The following TSPAN1 variants were observed in gnomAD, a reference collection of about 807,000 sequenced individuals.
The protein encoded by TSPAN1 is tetraspanin 1.
In TSPAN1, 23 loss-of-function variants were observed where a neutral mutation model predicts 26.9. The observed-to-expected ratio is 0.85, with a 90% CI of 0.62 to 1.21. TSPAN1 has a LOEUF of 1.21. TSPAN1 is among the 50% of genes most tolerant of loss of function. The pLI is 0.00. For missense variants in TSPAN1, 283 were observed against 298.4 expected, an observed-to-expected ratio of 0.95 and a Z score of 0.38; for synonymous variants, 115 against 114.8, an observed-to-expected ratio of 1.00 and a Z score of -0.01.
chr1:46,190,915 C>G (rs981867599), downstream of TSPAN1: 21 of 843,848 alleles, frequency 2.5e-5, no homozygotes, highest in African/African-American at 3.5e-4. Context: ...AATTTCCCAC[C>G]GTCTTCTCCA....
Position 46,184,272 on chromosome 1 carries a change from T to C in TSPAN1, c.139T>C (p.Ser47Pro). The change falls in exon 4 of 9, where the codon TCG (serine) becomes CCG (proline). Residue 47 changes from serine (S) to proline (P), a missense_variant. By Grantham distance (74) the Ser-to-Pro change is moderately conservative. Coordinates refer to ENST00000372003, the MANE Select transcript of TSPAN1 (RefSeq NM_005727.4). ...ASFLKIFGPL[S>P]SSAMQFVNVG... ...CTTTCTGAAGATCTTCGGGCCACTG[T>C]CGTCCAGTGCCATGCAGTTTGTCAA... 1 of 1,614,194 alleles carries C rather than the reference T, an allele frequency of 6.2e-7. No homozygotes were observed. The highest frequency in any genetic ancestry group is 1.1e-5 in the South Asian group (1 of 91,082).
intron 3 of TSPAN1, among the ~76,000 whole-genome samples, chr1:46,182,157 A>T (rs1657326781): frequency 6.6e-6 from 1 of 151,596 alleles, no homozygotes; most frequent in Admixed American, 6.6e-5. Context: ...CCACTAGCAG[A>T]TGTGTACCCA....
chr1:46,176,474 G>A, intron 1 of TSPAN1: 1 of 1,535,536 alleles, frequency 6.5e-7, no homozygotes, highest in Non-Finnish European at 8.7e-7. Context: ...GGCCCCATGG[G>A]CACAGGGAGC....
At chr1:46,177,642 A>T (rs1425017658) in intron 1 of TSPAN1, among the ~76,000 whole-genome samples, 2 of 152,216 alleles carry the variant, frequency 1.3e-5, no homozygotes, top group South Asian at 2.1e-4. Context: ...TGTTTACTCT[A>T]TGAAAACTGA....
At chr1:46,177,932 C>G (rs1288200487) in intron 1 of TSPAN1, among the ~76,000 whole-genome samples, 1 of 152,128 alleles carries the variant, frequency 6.6e-6, no homozygotes, top group Non-Finnish European at 1.5e-5. Flanking sequence ...TGATCAAGAT[C>G]CAAAACCCAG....
At chr1:46,182,317 A>AAAAAAAAAAAAAAAAAAAAAAAAAAAC in intron 3 of TSPAN1, among the ~76,000 whole-genome samples, 2 of 146,226 alleles carry the variant, frequency 1.4e-5, no homozygotes, top group African/African-American at 2.5e-5. Flanking sequence ...AAAAAAAAAA[A>AAAAAAAAAAAAAAAAAAAAAAAAAAAC]GCCACTGTGA....
Position 46,185,253 on chromosome 1 carries a change from T to A in TSPAN1, c.623T>A (p.Ile208Asn). 6.2e-7 allele frequency: 1 copy of A among 1,614,158 alleles called. No individual in the cohort carries two copies. Among genetic ancestry groups the A allele is most frequent in the East Asian group, 2.2e-5 (1 of 44,884 alleles). Residue 208 changes from isoleucine to asparagine, a missense_variant, in exon 8 of 9, where the codon ATC becomes AAC. Physicochemically the swap from Ile to Asn is moderately radical, Grantham distance 149 (BLOSUM62 -3). Transcript: ENST00000372003. ...TGCTTCAATCAGCTTTTGTATGACATCCGAACTAATGCAGTCACCGTGGGT... is the reference window on the plus strand; with the variant it reads ...TGCTTCAATCAGCTTTTGTATGACAACCGAACTAATGCAGTCACCGTGGGT... ...EGCFNQLLYD[I>N]RTNAVTVGGV...
the TSPAN1 span, chr1:46,195,063 A>G: frequency 3.0e-6 from 3 of 991,926 alleles, no homozygotes; most frequent in Admixed American, 1.7e-5. Flanking sequence ...AAAATAGCTC[A>G]TTACATTATT....
intron 1 of TSPAN1, among the ~76,000 whole-genome samples, chr1:46,178,502 C>T (rs1657238637): frequency 6.6e-6 from 1 of 151,950 alleles, no homozygotes; most frequent in Middle Eastern, 3.4e-3. Flanking sequence ...TAGTACCACC[C>T]TCACAAACCT....
At chr1:46,177,714 G>C (rs755674553) in intron 1 of TSPAN1, among the ~76,000 whole-genome samples, 1 of 152,224 alleles carries the variant, frequency 6.6e-6, no homozygotes. Flanking sequence ...TGTGTTGGAC[G>C]GCTGAAATTT....
the TSPAN1 span, chr1:46,191,151 G>A: frequency 2.9e-6 from 1 of 344,026 alleles, no homozygotes; most frequent in South Asian, 2.4e-5. Context: ...GGGCTGGGAA[G>A]GAAAAAACTA....
Position 46,182,407 on chromosome 1 carries a change from G to A in TSPAN1, c.57+1243G>A, listed in dbSNP as rs1240539915. Among the ~76,000 whole-genome samples the A allele has an allele frequency of 2.7e-5, 4 of 148,022 alleles. No homozygotes were observed. In the East Asian group the frequency reaches 6.2e-4, roughly 23 times the overall value. On this transcript the variant is annotated intron_variant, in intron 3 of 8. Coordinates refer to ENST00000372003, the MANE Select transcript of TSPAN1 (RefSeq NM_005727.4). ...ACTAACCACATTAGAGTAGGTTAGT[G>A]TAAGTGAAAGTGAGGAAGTGGGCCA...
At chr1:46,190,677 A>C (rs1036364718), downstream of TSPAN1, 1 of 1,576,284 alleles carries the variant, frequency 6.3e-7, no homozygotes, top group Non-Finnish European at 8.7e-7. Flanking sequence ...CTGGCCTCCA[A>C]ATCTCCTAGA....
chr1:46,180,262 T>G (rs1308170774), intron 1 of TSPAN1, among the ~76,000 whole-genome samples: 2 of 152,186 alleles, frequency 1.3e-5, no homozygotes, highest in Non-Finnish European at 2.9e-5. Context: ...AGATGCAGGG[T>G]AAGAAGCACA....
chr1:46,176,526 G>A, intron 1 of TSPAN1: 1 of 1,528,434 alleles, frequency 6.5e-7, no homozygotes. Context: ...CAGGGTAGCT[G>A]AGGCCTCTAT....
At chr1:46,190,025 G>A (rs1358191742), downstream of TSPAN1, 1 of 1,612,516 alleles carries the variant, frequency 6.2e-7, no homozygotes, top group Non-Finnish European at 8.5e-7. Flanking sequence ...GCCAAGACAG[G>A]GCCCACTTCA....
At chr1:46,189,917 G>C, downstream of TSPAN1, 1 of 1,614,112 alleles carries the variant, frequency 6.2e-7, no homozygotes, top group Non-Finnish European at 8.5e-7. Context: ...AGGCCACGTA[G>C]GTGTGGCCCT....
chr1:46,182,741 G>A (rs1657342111), intron 3 of TSPAN1, among the ~76,000 whole-genome samples: 1 of 152,164 alleles, frequency 6.6e-6, no homozygotes, highest in Non-Finnish European at 1.5e-5. Flanking sequence ...AGACTCTCTA[G>A]TTCTGATGTG....
chr1:46,176,780 G>C (rs553338280), intron 1 of TSPAN1, among the ~76,000 whole-genome samples: 1 of 152,260 alleles, frequency 6.6e-6, no homozygotes, highest in East Asian at 1.9e-4. Context: ...CACTTACTAC[G>C]TGCCAGACAC....
Sources: gnomAD v4.1 joint callset for allele counts (sites outside exome capture counted in the v4.1 genomes callset) on GRCh38, gnomAD v4.1.1 for gene constraint, MANE v1.5 for transcripts, NCBI Gene and HGNC (gene_info 2026-07-23, HGNC 2026-07-21) for gene names.